The following TRPM3 variants were observed in gnomAD, a reference collection of about 807,000 sequenced individuals.
TRPM3 encodes transient receptor potential cation channel subfamily M member 3.
TRPM3 carries 77 observed loss-of-function variants against 181.2 expected under a neutral mutation model. The observed-to-expected ratio is 0.42, with a 90% CI of 0.35 to 0.51. The LOEUF is 0.51. TRPM3 is among the 20% of genes least tolerant of loss of function. The probability of loss-of-function intolerance (pLI) is 0.01; values close to 1 mark genes in which losing one functional copy is unlikely to be tolerated. For missense variants in TRPM3, 1,759 were observed against 2,196.7 expected (o/e 0.80, Z 3.98); for synonymous variants, 745 against 796.4 (o/e 0.94, Z 1.09).
At chr9:70,871,035 A>C (rs2095779829) in intron 1 of TRPM3, among the ~76,000 whole-genome samples, 1 of 151,984 alleles carries the variant, frequency 6.6e-6, no homozygotes, top group Admixed American at 6.6e-5. Flanking sequence ...AGGAGAATTA[A>C]GTAAAAAGAT....
At chr9:70,549,771 T>G in intron 24 of TRPM3, 97 bp from the exon 25 acceptor site, 1 of 1,305,232 alleles carries the variant, frequency 7.7e-7, no homozygotes, top group Non-Finnish European at 1.0e-6. Flanking sequence ...TAAATCTAGG[T>G]GGGAAAAGGG....
intron 1 of TRPM3, among the ~76,000 whole-genome samples, chr9:71,221,909 G>C (rs531400474): frequency 6.5e-4 from 99 of 152,326 alleles, no homozygotes; most frequent in Non-Finnish European, 1.2e-3. Flanking sequence ...GCTGCAATGA[G>C]TGAATGTGTG....
intron 1 of TRPM3, among the ~76,000 whole-genome samples, chr9:71,146,028 T>C (rs767114501): frequency 7.2e-5 from 11 of 152,180 alleles, no homozygotes; most frequent in Non-Finnish European, 1.2e-4. Context: ...AGGTACATAT[T>C]TGTTCTTTTA....
At chr9:70,763,898 T>G (rs187365567) in intron 7 of TRPM3, among the ~76,000 whole-genome samples, 1 of 152,258 alleles carries the variant, frequency 6.6e-6, no homozygotes, top group Admixed American at 6.5e-5. Context: ...ATCTGAGACA[T>G]GAATGAATGA....
Position 71,121,227 on chromosome 9 carries a change from ATGGTC to A in TRPM3, c.123_127del (p.Trp41CysfsTer29), listed in dbSNP as rs1321265142. On this transcript the variant is annotated frameshift_variant, in exon 1 of 26. Transcript: ENST00000677713. LOFTEE classifies it high-confidence loss of function. ...AAAGGCTGCGTGGCACAGCTTCCGG[ATGGTC>A]CAGTTTAGGGGTCGAGGAGCATCAG... The A allele has an allele frequency of 1.9e-6, 3 of 1,614,016 alleles. No individual in the cohort carries two copies. The highest frequency in any genetic ancestry group is 1.3e-5 in the African/African-American group (1 of 74,938).
intron 22 of TRPM3, among the ~76,000 whole-genome samples, chr9:70,581,822 A>G (rs115671310): frequency 0.012 from 1,862 of 151,916 alleles, 42 homozygotes; most frequent in African/African-American, 0.042. Context: ...GGGCTCACAC[A>G]GCTCTCTCTT....
At chr9:71,168,685 A>C (rs1291826824) in intron 1 of TRPM3, among the ~76,000 whole-genome samples, 1 of 136,594 alleles carries the variant, frequency 7.3e-6, no homozygotes, top group Non-Finnish European at 1.6e-5. Context: ...TTCTACATGG[A>C]TTACACTGTG....
At chr9:70,689,753 A>G (rs1405249640) in intron 8 of TRPM3, among the ~76,000 whole-genome samples, 1 of 152,076 alleles carries the variant, frequency 6.6e-6, no homozygotes, top group Non-Finnish European at 1.5e-5. Context: ...TGAAGACTCA[A>G]AGCAGGAATA....
At chr9:70,752,755 C>A (rs1003846697) in intron 8 of TRPM3, among the ~76,000 whole-genome samples, 6 of 152,076 alleles carry the variant, frequency 3.9e-5, no homozygotes, top group Non-Finnish European at 7.4e-5. Context: ...AGCCTAGGGA[C>A]AAATAGGCTA....
chr9:71,234,675 C>G (rs2081261052), intron 1 of TRPM3, among the ~76,000 whole-genome samples: 1 of 152,086 alleles, frequency 6.6e-6, no homozygotes, highest in African/African-American at 2.4e-5. Context: ...ACCTTAATGT[C>G]TTCATTTTAA....
chr9:71,083,852 A>C (rs1471858612), intron 1 of TRPM3, among the ~76,000 whole-genome samples: 1 of 151,790 alleles, frequency 6.6e-6, no homozygotes, highest in Non-Finnish European at 1.5e-5. Context: ...TGCAGTGTGT[A>C]TATATATCTA....
At chr9:71,026,079 A>C (rs1219201700) in intron 1 of TRPM3, among the ~76,000 whole-genome samples, 7 of 152,344 alleles carry the variant, frequency 4.6e-5, no homozygotes, top group Middle Eastern at 3.4e-3. Context: ...CTAGAGAAGT[A>C]GTCGGGGCAG....
At chr9:71,202,368 G>C (rs2078860290) in intron 1 of TRPM3, among the ~76,000 whole-genome samples, 1 of 152,138 alleles carries the variant, frequency 6.6e-6, no homozygotes, top group Non-Finnish European at 1.5e-5. Flanking sequence ...AAAGATGTCA[G>C]ACAGGGACAT....
Position 70,536,690 on chromosome 9 carries a change from C to G in TRPM3, c.4423G>C (p.Asp1475His), listed in dbSNP as rs1363781181. The change falls in exon 26 of 26, where the codon GAC (aspartate) becomes CAC (histidine). Residue 1475 changes from aspartate (D) to histidine (H), a missense_variant. Physicochemically the swap from Asp to His is moderately conservative, Grantham distance 81. Around this residue, in one of 8 missense-constraint regions of TRPM3, gnomAD observed 612 missense variants for 590.0 expected, o/e 1.04. Transcript: ENST00000677713. ...GATCTAGTGTCCATGGAGGTGATGT[C>G]CTCAAAATCAATGCTCCGGCTTGGA... is the stretch of plus-strand genomic sequence containing the variant. ...RPPSRSIDFEDITSMDTRSFS... is the reference protein window; with the variant it reads ...RPPSRSIDFEHITSMDTRSFS... 6 of 1,613,906 alleles carry G rather than the reference C, an allele frequency of 3.7e-6. No individual in the cohort carries two copies. The Admixed American group carries it at 8.3e-5, about 22-fold the overall frequency.
At chr9:70,917,288 C>T (rs878878331) in intron 1 of TRPM3, 58 of 1,397,364 alleles carry the variant, frequency 4.2e-5, no homozygotes, top group African/African-American at 1.0e-4. Flanking sequence ...AATTAGGAAG[C>T]GAAAGTGGTA....
intron 1 of TRPM3, among the ~76,000 whole-genome samples, chr9:71,190,407 C>A (rs909402109): frequency 6.6e-6 from 1 of 151,840 alleles, no homozygotes; most frequent in Non-Finnish European, 1.5e-5. Flanking sequence ...CCATTAATAT[C>A]CAAACATCAT....
intron 6 of TRPM3, among the ~76,000 whole-genome samples, chr9:70,801,757 T>C (rs1372773127): frequency 1.3e-5 from 2 of 152,004 alleles, no homozygotes; most frequent in Admixed American, 1.3e-4. Context: ...AGGATCTATT[T>C]GATTGCAACA....
chr9:70,539,988 C>A (rs113742103), intron 25 of TRPM3, among the ~76,000 whole-genome samples: 2 of 152,270 alleles, frequency 1.3e-5, no homozygotes, highest in African/African-American at 4.8e-5. Flanking sequence ...GTGAGCACCA[C>A]CATGCCCAGC....
intron 1 of TRPM3, among the ~76,000 whole-genome samples, chr9:71,083,568 A>C (rs1785495692): frequency 6.6e-6 from 1 of 152,064 alleles, no homozygotes; most frequent in South Asian, 2.1e-4. Flanking sequence ...GGAAAGTATG[A>C]AAAAAGGGGT....
Sources: gnomAD v4.1 joint callset for allele counts (sites outside exome capture counted in the v4.1 genomes callset) on GRCh38, gnomAD v4.1.1 for gene constraint, gnomAD v4.1.1 regional missense constraint, MANE v1.5 for transcripts, NCBI Gene and HGNC (gene_info 2026-07-23, HGNC 2026-07-21) for gene names.